Variants in PTGES3L observed in about 807,000 individuals in gnomAD.
PTGES3L encodes putative protein PTGES3L.
A neutral mutation model predicts 25.0 loss-of-function variants in PTGES3L; 17 were observed. The observed-to-expected ratio is 0.68, with a 90% CI of 0.47 to 1.02. PTGES3L has a LOEUF of 1.02. Ranked by LOEUF, PTGES3L falls within the 50% of genes least tolerant of loss-of-function variation. The probability of loss-of-function intolerance (pLI) is 0.00; values close to 1 mark genes in which losing one functional copy is unlikely to be tolerated. For synonymous variants in PTGES3L, 59 were observed against 65.7 expected, an observed-to-expected ratio of 0.90 and a Z score of 0.50; for missense variants, 202 against 197.5, an observed-to-expected ratio of 1.02 and a Z score of -0.14.
intron 4 of PTGES3L, among the ~76,000 whole-genome samples, chr17:42,978,096 A>AAAAAC: frequency 6.6e-6 from 1 of 150,570 alleles, no homozygotes; most frequent in Admixed American, 6.6e-5. Flanking sequence ...AAAAAAAAAA[A>AAAAAC]AAAACAGAAA....
chr17:42,969,277 T>G, intron 6 of PTGES3L, 91 bp from the exon 7 acceptor site: 1 of 750,906 alleles, frequency 1.3e-6, no homozygotes, highest in Non-Finnish European at 2.1e-6. Flanking sequence ...TCTCTCCTGT[T>G]CTCCAAGTTT....
intron 1 of PTGES3L, 183 bp downstream of exon 1, chr17:42,979,863 G>A: frequency 6.9e-7 from 1 of 1,443,008 alleles, no homozygotes; most frequent in East Asian, 2.5e-5. Context: ...GAACGTGCAA[G>A]ACTAGGAAAC....
intron 5 of PTGES3L, among the ~76,000 whole-genome samples, chr17:42,971,284 CCACACACACA>C (rs56818030): frequency 6.7e-6 from 1 of 149,504 alleles, no homozygotes; most frequent in African/African-American, 2.5e-5. Flanking sequence ...CGACAGAAAA[CCACACACACA>C]CACACACACA....
chr17:42,971,779 C>T, intron 4 of PTGES3L, 83 bp from the exon 5 acceptor site: 1 of 1,451,834 alleles, frequency 6.9e-7, no homozygotes, highest in Non-Finnish European at 9.6e-7. Flanking sequence ...TGCATGGGAG[C>T]ACGCCTGGGG....
chr17:42,968,230 G>C lies in PTGES3L; in HGVS notation c.*918C>G, dbSNP rs1419899965. 3 of 151,970 alleles carry C rather than the reference G, an allele frequency of 2.0e-5. No individual in the cohort carries two copies. The highest frequency in any genetic ancestry group is 7.2e-5 in the African/African-American group (3 of 41,388). 9.4% of individuals were successfully genotyped at this position (151,970 alleles called of 1,614,324 possible). A position where few individuals can be genotyped will look rare whatever the true frequency, so the allele number is the denominator to read the frequency against. On this transcript the variant is annotated 3_prime_UTR_variant, in exon 7 of 7. Coordinates refer to ENST00000591916, the MANE Select transcript of PTGES3L (RefSeq NM_001261430.2). The stretch of plus-strand genomic sequence containing the variant: ...TAGACATTAACTAGAGTAACAATCA[G>C]TTTTAAAAGTATAAAGAGGGCCGGG...
At position 42,980,034 on chromosome 17, in the gene PTGES3L, G is replaced by A. The variant is rs1453135967; in HGVS notation, c.8+12C>T. 1.3e-6 allele frequency: 2 copies of A among 1,548,502 alleles called. No individual in the cohort carries two copies. Among genetic ancestry groups the A allele is most frequent in the East Asian group, 4.9e-5 (2 of 40,888 alleles). On this transcript the variant is annotated intron_variant, in intron 1 of 6. Coordinates refer to ENST00000591916, the MANE Select transcript of PTGES3L (RefSeq NM_001261430.2). ...AAGGGCCAGGGGGAGCACCGGAGCC[G>A]GAAACACTCACCGTGCCATTGCGGC...
At chr17:42,974,018 AT>A (rs944885710) in intron 4 of PTGES3L, among the ~76,000 whole-genome samples, 6 of 151,324 alleles carry the variant, frequency 4.0e-5, no homozygotes, top group African/African-American at 1.5e-4. Context: ...AAAAATAAAA[AT>A]AAAAATAAAA....
At position 42,979,138 on chromosome 17, in the gene PTGES3L, GAGA is replaced by G. The variant is rs778736123; in HGVS notation, c.288+29_288+31del. The G allele has an allele frequency of 3.7e-6, 6 of 1,612,384 alleles. No individual in the cohort carries two copies. The Admixed American group carries it at 1.0e-4, about 27-fold the overall frequency. Reference sequence around the variant, plus strand: ...CCCAGCTGTAACCTGGGTACATGGAGAGAAGAAGCAGGCCACTTTCCACACACC... The same window carrying G: ...CCCAGCTGTAACCTGGGTACATGGAGAGAAGCAGGCCACTTTCCACACACC... On this transcript the variant is annotated intron_variant, in intron 4 of 6. Coordinates refer to ENST00000591916, the MANE Select transcript of PTGES3L (RefSeq NM_001261430.2).
intron 4 of PTGES3L, 106 bp from the exon 5 acceptor site, chr17:42,971,802 G>A: frequency 9.3e-7 from 1 of 1,078,718 alleles, no homozygotes; most frequent in South Asian, 1.4e-5. Flanking sequence ...AAGAGGGTCA[G>A]TAGGTCCCTA....
chr17:42,971,756 G>A lies in PTGES3L; in HGVS notation c.289-60C>T. On this transcript the variant is annotated intron_variant, in intron 4 of 6. Transcript: ENST00000591916. Reference sequence around the variant, plus strand: ...AGGGCAGGAGCAGGAGTGTGTGGGAGAGTGTGGGCATATGCATGGGAGCAC... The same window carrying A: ...AGGGCAGGAGCAGGAGTGTGTGGGAAAGTGTGGGCATATGCATGGGAGCAC... 1.9e-6 allele frequency: 3 copies of A among 1,588,478 alleles called. No individual in the cohort carries two copies. The South Asian group carries it at 3.3e-5, about 18-fold the overall frequency.
chr17:42,973,231 G>C (rs2049886533), intron 4 of PTGES3L, among the ~76,000 whole-genome samples: 2 of 149,888 alleles, frequency 1.3e-5, no homozygotes, highest in South Asian at 2.1e-4. Flanking sequence ...CGCCCCGTCC[G>C]GGAGGGAGGT....
intron 4 of PTGES3L, among the ~76,000 whole-genome samples, chr17:42,972,954 G>A (rs2049875346): frequency 6.8e-6 from 1 of 147,962 alleles, no homozygotes; most frequent in African/African-American, 2.5e-5. Context: ...CTGAGATGTG[G>A]GGAGCACCTC....
chr17:42,976,879 T>C (rs2049964280), intron 4 of PTGES3L, among the ~76,000 whole-genome samples: 1 of 152,196 alleles, frequency 6.6e-6, no homozygotes, highest in Admixed American at 6.6e-5. Context: ...ACTGAAAATA[T>C]GCAACAAACT....
At chr17:42,973,354 G>C (rs1476500578) in intron 4 of PTGES3L, among the ~76,000 whole-genome samples, 2 of 18,596 alleles carry the variant, frequency 1.1e-4, no homozygotes, top group Admixed American at 1.0e-3. Context: ...CAGCCGCCCC[G>C]TCCGGGAGGG....
rs1256953307 is a variant in PTGES3L at position 42,972,322 on chromosome 17, C to T, written c.289-626G>A. On this transcript the variant is annotated intron_variant, in intron 4 of 6. Transcript: ENST00000591916. ...CCCTCTCTCTCTCCCTCTCCCTCTC[C>T]CCCTCCCCCTCCCCCTCCCCATGGT... is the stretch of plus-strand genomic sequence containing the variant. 2.7e-5 allele frequency among the ~76,000 whole-genome samples: 4 copies of T among 145,710 alleles called. No homozygotes were observed. The East Asian group carries it at 8.2e-4, about 30-fold the overall frequency.
Position 42,969,062 on chromosome 17 carries a change from A to AT in PTGES3L, c.*85_*86insA. The AT allele has an allele frequency of 1.0e-6, 1 of 998,776 alleles. No homozygotes were observed. Among genetic ancestry groups the AT allele is most frequent in the Admixed American group, 2.1e-5 (1 of 46,636 alleles). The allele number at this position is 998,776 out of a possible 1,614,324, so 61.9% of individuals were successfully genotyped here. A position where few individuals can be genotyped will look rare whatever the true frequency, so the allele number is the denominator to read the frequency against. ...CTCAGAAGAACTTGGTGCACAGCCA[A>AT]AGCGCTGACAAAGGCCTAGGCGCTA... On this transcript the variant is annotated 3_prime_UTR_variant, in exon 7 of 7. Transcript: ENST00000591916.
intron 6 of PTGES3L, among the ~76,000 whole-genome samples, chr17:42,969,661 C>G: frequency 6.6e-6 from 1 of 151,872 alleles, no homozygotes; most frequent in East Asian, 1.9e-4. Flanking sequence ...CTTGGCCTCT[C>G]AAAGTGCTGG....
intron 4 of PTGES3L, among the ~76,000 whole-genome samples, chr17:42,977,992 C>G (rs955248735): frequency 5.6e-5 from 7 of 124,150 alleles, no homozygotes; most frequent in African/African-American, 2.0e-4. Flanking sequence ...GCAGGAGAAT[C>G]GCTTGAATCT....
intron 4 of PTGES3L, among the ~76,000 whole-genome samples, chr17:42,975,408 T>C (rs144719105): frequency 1.2e-4 from 19 of 152,054 alleles, no homozygotes; most frequent in African/African-American, 4.6e-4. Flanking sequence ...GGTACAGAGG[T>C]GAGAAACAGC....
Sources: allele counts gnomAD v4.1 joint callset (sites outside exome capture counted in the v4.1 genomes callset), GRCh38; gene constraint gnomAD v4.1.1; transcripts MANE v1.5; gene names NCBI Gene and HGNC (gene_info 2026-07-23, HGNC 2026-07-21).